Variants in ABCA12 observed in about 807,000 individuals in gnomAD.
ABCA12 encodes glucosylceramide transporter ABCA12.
Under a neutral mutation model 293.5 loss-of-function variants are expected in ABCA12, and 156 were observed. That is an observed-to-expected ratio of 0.53 (90% CI 0.47 to 0.61). The LOEUF is 0.61. ABCA12 is among the 20% of genes least tolerant of loss of function. The probability of loss-of-function intolerance (pLI) is 0.00; values close to 1 mark genes in which losing one functional copy is unlikely to be tolerated. For missense variants in ABCA12, 2,797 were observed against 3,090.2 expected, an observed-to-expected ratio of 0.91 and a Z score of 2.25; for synonymous variants, 1,063 against 1,108.0, an observed-to-expected ratio of 0.96 and a Z score of 0.81.
chr2:215,038,963 C>G (rs1480121390), intron 7 of ABCA12: 1 of 152,106 alleles, frequency 6.6e-6, no homozygotes, highest in Non-Finnish European at 1.5e-5. Flanking sequence ...TTCTCTTCAT[C>G]ATATAAAAAT....
chr2:215,040,279 A>G (rs909905690), intron 7 of ABCA12, among the ~76,000 whole-genome samples: 3 of 152,210 alleles, frequency 2.0e-5, no homozygotes, highest in Non-Finnish European at 4.4e-5. Flanking sequence ...CAAACTATAC[A>G]ATGGTAGAAA....
In ABCA12 at chr2:214,932,680, C is replaced by A. The variant is rs138260707; in HGVS notation, c.7742G>T (p.Gly2581Val). Residue 2581 changes from glycine (G) to valine (V), a missense_variant, in exon 53 of 53, where the codon GGT (glycine) becomes GTT (valine). Around this residue, in one of 3 missense-constraint regions of ABCA12, gnomAD observed 2,130 missense variants for 2,427.0 expected, o/e 0.88. Coordinates refer to ENST00000272895, the MANE Select transcript of ABCA12 (RefSeq NM_173076.3). ...TTGTGAGTCAACACTTATAGTGGAA[C>A]CTTGGCTGCTGGTATCAGCAGTTTC... ...SYETADTSSQ[G>V]STISVDSQDD... is the part of the protein sequence containing the mutation. 13 of 1,613,464 alleles carry A rather than the reference C, an allele frequency of 8.1e-6. No homozygotes were observed. In the East Asian group the frequency reaches 1.8e-4, roughly 22 times the overall value.
intron 2 of ABCA12, among the ~76,000 whole-genome samples, chr2:215,108,691 A>G (rs1702510069): frequency 6.6e-6 from 1 of 152,244 alleles, no homozygotes; most frequent in African/African-American, 2.4e-5. Context: ...CATGAGAAAC[A>G]AAGAAAAACA....
At chr2:214,984,633 C>A (rs1193270977) in intron 28 of ABCA12, among the ~76,000 whole-genome samples, 5 of 152,134 alleles carry the variant, frequency 3.3e-5, no homozygotes, top group Non-Finnish European at 7.4e-5. Flanking sequence ...GATCTTTACC[C>A]TAAAAGCCAC....
chr2:215,001,035 GCAA>G lies in ABCA12; in HGVS notation c.2864-18_2864-16del. The G allele has an allele frequency of 6.2e-7, 1 of 1,612,536 alleles. No individual in the cohort carries two copies. The highest frequency in any genetic ancestry group is 1.1e-5 in the South Asian group (1 of 91,014). On this transcript the variant is annotated splice_polypyrimidine_tract_variant and intron_variant, in intron 21 of 52. Coordinates refer to ENST00000272895, the MANE Select transcript of ABCA12 (RefSeq NM_173076.3). ...AAAAATAACACCTAAAAATAAAATG[GCAA>G]CAACAGCAGAAAGGTTATTTTATGG...
chr2:214,959,100 C>T (rs1699040394), intron 39 of ABCA12, 22 bp from the exon 40 acceptor site: 1 of 1,604,634 alleles, frequency 6.2e-7, no homozygotes, highest in Non-Finnish European at 8.5e-7. Context: ...AACAGTTCTT[C>T]TATTAGTAGG....
rs1248192057 is a variant in ABCA12, at chr2:214,937,492, C to A, written c.7542+18G>T. 7 of 1,601,324 alleles carry A rather than the reference C, an allele frequency of 4.4e-6. No individual in the cohort carries two copies. Among genetic ancestry groups the A allele is most frequent in the Non-Finnish European group, 6.0e-6 (7 of 1,168,738 alleles). On this transcript the variant is annotated intron_variant, in intron 51 of 52. Coordinates refer to ENST00000272895, the MANE Select transcript of ABCA12 (RefSeq NM_173076.3). Reference sequence around the variant, plus strand: ...GGATTACAGGCGTGAGCCACTGCACCCAGCCATCATCACTTACTTTTAAGT... The same window carrying A: ...GGATTACAGGCGTGAGCCACTGCACACAGCCATCATCACTTACTTTTAAGT...
chr2:215,039,716 C>T (rs373794169), intron 7 of ABCA12, among the ~76,000 whole-genome samples: 1 of 152,078 alleles, frequency 6.6e-6, no homozygotes, highest in African/African-American at 2.4e-5. Context: ...GATCCCGCCA[C>T]TGCACTCCAG....
Position 214,983,813 on chromosome 2 carries a change from C to T in ABCA12, c.4216G>A (p.Gly1406Arg). 6.2e-7 allele frequency: 1 copy of T among 1,613,554 alleles called. No homozygotes were observed. The highest frequency in any genetic ancestry group is 8.5e-7 in the Non-Finnish European group (1 of 1,179,882). Residue 1406 changes from glycine (G) to arginine (R), a missense_variant, in exon 29 of 53, where the codon GGA (glycine) becomes AGA (arginine). Gly to Arg is a moderately radical substitution (Grantham distance 125). Transcript: ENST00000272895. ...GASAGTIFVY[G>R]KDIKTDLHTV... ...TGTAGGTCTGTTTTGATATCTTTTC[C>T]ATATACAAAAATGGTGCCTGCTGAG...
intron 3 of ABCA12, among the ~76,000 whole-genome samples, chr2:215,060,677 T>C (rs528074762): frequency 6.6e-6 from 1 of 152,170 alleles, no homozygotes; most frequent in South Asian, 2.1e-4. Context: ...CTCTACATCC[T>C]TTCTCATCTA....
intron 38 of ABCA12, among the ~76,000 whole-genome samples, chr2:214,968,432 G>A (rs908035498): frequency 6.6e-6 from 1 of 152,010 alleles, no homozygotes; most frequent in African/African-American, 2.4e-5. Context: ...TTTATTGAAT[G>A]AATATGAAAC....
At chr2:215,086,952 A>G (rs1486801704) in intron 2 of ABCA12, among the ~76,000 whole-genome samples, 6 of 96,112 alleles carry the variant, frequency 6.2e-5, no homozygotes, top group Non-Finnish European at 2.4e-5. Context: ...TATTATTATT[A>G]TTATTTTATG....
chr2:215,035,064 AC>A (rs1350112300), intron 8 of ABCA12, among the ~76,000 whole-genome samples: 1 of 152,118 alleles, frequency 6.6e-6, no homozygotes, highest in Non-Finnish European at 1.5e-5. Flanking sequence ...TGGACCAGAG[AC>A]CCCAGTGCTG....
Position 214,955,270 on chromosome 2 carries a change from A to C in ABCA12, c.6325T>G (p.Phe2109Val), listed in dbSNP as rs1250834865. The C allele has an allele frequency of 6.2e-7, 1 of 1,614,226 alleles. No individual in the cohort carries two copies. Residue 2109 changes from phenylalanine to valine, a missense_variant, in exon 43 of 53, where the codon TTT becomes GTT. By Grantham distance (50) the Phe-to-Val change is conservative. Coordinates refer to ENST00000272895, the MANE Select transcript of ABCA12 (RefSeq NM_173076.3). ...FITYVCVNLF[F>V]GINSIVSLSV... ...AGGGAAACAATGGAATTAATGCCAA[A>C]AAACAAGTTGACACAGACGTAAGTG...
At chr2:215,086,142 C>A (rs943475551) in intron 2 of ABCA12, among the ~76,000 whole-genome samples, 1 of 152,238 alleles carries the variant, frequency 6.6e-6, no homozygotes, top group Non-Finnish European at 1.5e-5. Context: ...AAACCACCAT[C>A]ATGACTGGCC....
chr2:215,048,960 C>T (rs759677309), intron 6 of ABCA12, among the ~76,000 whole-genome samples: 3 of 152,038 alleles, frequency 2.0e-5, no homozygotes, highest in East Asian at 3.9e-4. Context: ...GACGAGAACA[C>T]GTGGACACAA....
intron 7 of ABCA12, among the ~76,000 whole-genome samples, chr2:215,041,698 GA>G (rs1329368362): frequency 6.6e-6 from 1 of 152,060 alleles, no homozygotes; most frequent in Non-Finnish European, 1.5e-5. Context: ...GAATAATGAA[GA>G]GATAGTAGTA....
chr2:215,135,008 G>A (rs890934847), intron 1 of ABCA12, among the ~76,000 whole-genome samples: 2 of 151,746 alleles, frequency 1.3e-5, no homozygotes, highest in Middle Eastern at 3.2e-3. Flanking sequence ...TGTTACCCAC[G>A]CTGGAGTGCA....
chr2:215,099,847 G>A (rs1702319278), intron 2 of ABCA12, among the ~76,000 whole-genome samples: 1 of 151,976 alleles, frequency 6.6e-6, no homozygotes. Flanking sequence ...AAACAATTAG[G>A]GTGGAAAACT....
Sources: allele counts gnomAD v4.1 joint callset (sites outside exome capture counted in the v4.1 genomes callset), GRCh38; gene constraint gnomAD v4.1.1; regional missense constraint gnomAD v4.1.1; transcripts MANE v1.5; gene names NCBI Gene and HGNC (gene_info 2026-07-23, HGNC 2026-07-21).